DISC1: variants seen among roughly 807,000 people sequenced by gnomAD.
DISC1 encodes the protein DISC1 scaffold protein.
DISC1 carries 57 observed loss-of-function variants against 84.5 expected under a neutral mutation model. The ratio of observed to expected loss-of-function variants is 0.67; its 90% CI spans 0.55 to 0.84. The LOEUF is 0.84. DISC1 is among the 40% of genes least tolerant of loss of function. The pLI is 0.00. For missense variants in DISC1, 1,000 were observed against 1,057.8 expected (o/e 0.95, Z 0.76); for synonymous variants, 411 against 415.2 (o/e 0.99, Z 0.12).
At chr1:231,800,252 A>G (rs749453159) in intron 8 of DISC1, 42 bp downstream of exon 8, 20 of 1,443,526 alleles carry the variant, frequency 1.4e-5, no homozygotes, top group Non-Finnish European at 1.9e-5. Context: ...TCCAACTAAA[A>G]TAATGACAGC....
chr1:231,935,028 T>C (rs1004217887), intron 9 of DISC1, among the ~76,000 whole-genome samples: 1 of 152,238 alleles, frequency 6.6e-6, no homozygotes, highest in Non-Finnish European at 1.5e-5. Flanking sequence ...TGTGCTCACA[T>C]TCAGAGGGAG....
intron 9 of DISC1, among the ~76,000 whole-genome samples, chr1:231,882,149 T>G (rs1245232458): frequency 6.6e-6 from 1 of 152,180 alleles, no homozygotes; most frequent in East Asian, 1.9e-4. Flanking sequence ...TAGCGATTGT[T>G]AACGGCTAAC....
intron 1 of DISC1, among the ~76,000 whole-genome samples, chr1:231,643,193 G>C (rs1030132212): frequency 2.6e-5 from 4 of 152,096 alleles, no homozygotes; most frequent in Non-Finnish European, 4.4e-5. Context: ...ATGCCATCTT[G>C]TTCCCTGGAA....
chr1:231,653,454 CAG>C (rs1356719190), intron 1 of DISC1, among the ~76,000 whole-genome samples: 1 of 152,100 alleles, frequency 6.6e-6, no homozygotes, highest in Non-Finnish European at 1.5e-5. Context: ...GAAGATGTCA[CAG>C]GAGGTTTTAA....
In DISC1 at chr1:231,777,265, A is replaced by C. The variant is rs180981599; in HGVS notation, c.1634+6195A>C. Among the ~76,000 whole-genome samples, 3 of 152,258 alleles carry C rather than the reference A, an allele frequency of 2.0e-5. No homozygotes were observed. In the East Asian group the frequency reaches 5.8e-4, roughly 29 times the overall value. ...GAGATGGGGTTTCCCTCTGTCCCAC[A>C]GGCTGGAGTACAGTGGTATGATCAT... On this transcript the variant is annotated intron_variant, in intron 6 of 12. Coordinates refer to ENST00000439617, the MANE Select transcript of DISC1 (RefSeq NM_018662.3).
chr1:231,631,426 C>T (rs527782891), intron 1 of DISC1, among the ~76,000 whole-genome samples: 3 of 152,236 alleles, frequency 2.0e-5, no homozygotes, highest in African/African-American at 7.2e-5. Flanking sequence ...TCAGGCAGGT[C>T]CTTCAGGAGG....
At chr1:231,834,200 G>C (rs561790425) in intron 9 of DISC1, among the ~76,000 whole-genome samples, 1 of 152,170 alleles carries the variant, frequency 6.6e-6, no homozygotes, top group Non-Finnish European at 1.5e-5. Flanking sequence ...AAGCCAGACC[G>C]GGTGTAAGGA....
Position 231,630,603 on chromosome 1 carries a change from C to T in DISC1, c.67+3669C>T, listed in dbSNP as rs1228884200. ...CCCCTCCTGGCACAGCTGGAACCAC[C>T]GGTGAAGAGCCATTTTTCAGTCAGC... On this transcript the variant is annotated intron_variant, in intron 1 of 12. Transcript: ENST00000439617. This position sits in a 1 kb window ranked among gnomAD's most constrained non-coding sequence, Gnocchi z 4.4. Among the ~76,000 whole-genome samples, 2 of 152,200 alleles carry T rather than the reference C, an allele frequency of 1.3e-5. No homozygotes were observed. The highest frequency in any genetic ancestry group is 6.8e-3 in the Middle Eastern group (2 of 294).
At chr1:231,685,712 A>G (rs2064188903) in intron 1 of DISC1, among the ~76,000 whole-genome samples, 1 of 152,072 alleles carries the variant, frequency 6.6e-6, no homozygotes, top group Non-Finnish European at 1.5e-5. Flanking sequence ...CGGCCTCCCA[A>G]AGAGCTGGGA....
At chr1:231,857,675 G>C (rs531216688) in intron 9 of DISC1, among the ~76,000 whole-genome samples, 1 of 152,320 alleles carries the variant, frequency 6.6e-6, no homozygotes, top group East Asian at 1.9e-4. Context: ...GTTTGTTACA[G>C]AGAATCTTGA....
chr1:231,656,680 A>T (rs1343953643), intron 1 of DISC1, among the ~76,000 whole-genome samples: 1 of 152,166 alleles, frequency 6.6e-6, no homozygotes, highest in Non-Finnish European at 1.5e-5. Flanking sequence ...GGTTTGTTAC[A>T]CAAGTAAACG....
At position 231,630,022 on chromosome 1, in the gene DISC1, C is replaced by T. The variant is rs1389175832; in HGVS notation, c.67+3088C>T. On this transcript the variant is annotated intron_variant, in intron 1 of 12. Coordinates refer to ENST00000439617, the MANE Select transcript of DISC1 (RefSeq NM_018662.3). This position sits in a 1 kb window ranked among gnomAD's most constrained non-coding sequence, Gnocchi z 4.4. The stretch of plus-strand genomic sequence containing the variant: ...TCTCGGCTCACTGCAACCTCTGCCT[C>T]CTGGGTTCAAGCGATTCTCCTGCCT... Among the ~76,000 whole-genome samples, 4 of 152,270 alleles carry T rather than the reference C, an allele frequency of 2.6e-5. No individual in the cohort carries two copies. The highest frequency in any genetic ancestry group is 9.6e-5 in the African/African-American group (4 of 41,556).
At chr1:231,938,193 G>A (rs2091097418) in intron 9 of DISC1, among the ~76,000 whole-genome samples, 1 of 152,150 alleles carries the variant, frequency 6.6e-6, no homozygotes, top group Admixed American at 6.5e-5. Context: ...AGGCTAAAGG[G>A]ATTTTGCAGA....
At chr1:231,878,085 C>T (rs2086025037) in intron 9 of DISC1, among the ~76,000 whole-genome samples, 1 of 152,170 alleles carries the variant, frequency 6.6e-6, no homozygotes. Context: ...TACCTTAAAA[C>T]AGTTCATTCT....
Position 231,806,420 on chromosome 1 carries a change from T to G in DISC1, c.1792+6210T>G, listed in dbSNP as rs1194459777. On this transcript the variant is annotated intron_variant, in intron 8 of 12. Coordinates refer to ENST00000439617, the MANE Select transcript of DISC1 (RefSeq NM_018662.3). ...CAATGGGGTGGATTCGTTTTTTTGT[T>G]TGGTTTTCAGCTCCGAGTTCAAAAG... 3.0e-4 allele frequency among the ~76,000 whole-genome samples: 46 copies of G among 152,160 alleles called. 1 individual carries two copies.
intron 9 of DISC1, among the ~76,000 whole-genome samples, chr1:231,884,030 G>A (rs2086485555): frequency 6.6e-6 from 1 of 152,054 alleles, no homozygotes; most frequent in South Asian, 2.1e-4. Flanking sequence ...CAGGGGAATG[G>A]CAGTTCACAT....
intron 10 of DISC1, among the ~76,000 whole-genome samples, chr1:231,984,162 T>C (rs1664065307): frequency 6.6e-6 from 1 of 152,206 alleles, no homozygotes; most frequent in African/African-American, 2.4e-5. Flanking sequence ...AAAATAACTT[T>C]GCAGTCAGTC....
intron 9 of DISC1, among the ~76,000 whole-genome samples, chr1:231,824,547 A>C (rs1330381487): frequency 3.3e-5 from 5 of 152,006 alleles, no homozygotes; most frequent in African/African-American, 1.2e-4. Context: ...CATCACTATT[A>C]GTGTGATTAT....
intron 1 of DISC1, among the ~76,000 whole-genome samples, chr1:231,656,667 G>A (rs1284469939): frequency 7.2e-5 from 11 of 152,040 alleles, no homozygotes; most frequent in Admixed American, 7.2e-4. Flanking sequence ...TGGAGGATGT[G>A]CAGGTTTGTT....
Sources: gnomAD v4.1 joint callset for allele counts (sites outside exome capture counted in the v4.1 genomes callset) on GRCh38, gnomAD v4.1.1 for gene constraint, Gnocchi (gnomAD v3.1) non-coding constraint, MANE v1.5 for transcripts, NCBI Gene and HGNC (gene_info 2026-07-23, HGNC 2026-07-21) for gene names.